The following PRKCA variants were observed in gnomAD, a reference collection of about 807,000 sequenced individuals.
PRKCA encodes protein kinase C alpha type.
PRKCA carries 27 observed loss-of-function variants against 87.0 expected under a neutral mutation model. The observed-to-expected ratio is 0.31, with a 90% CI of 0.23 to 0.43. The LOEUF (loss-of-function observed/expected upper bound fraction) is 0.43. Among genes scored for constraint, PRKCA ranks in the 20% least tolerant of loss-of-function variants. The probability of loss-of-function intolerance (pLI) is 1.00; values close to 1 mark genes in which losing one functional copy is unlikely to be tolerated. For missense variants in PRKCA, 518 were observed against 852.3 expected (o/e 0.61, Z 4.88); for synonymous variants, 329 against 311.1 (o/e 1.06, Z -0.61).
intron 3 of PRKCA, among the ~76,000 whole-genome samples, chr17:66,613,779 C>CTTTTTTTTTTTT (rs57610655): frequency 2.9e-5 from 2 of 69,386 alleles, no homozygotes; most frequent in African/African-American, 6.1e-5. Flanking sequence ...TGACTTCATC[C>CTTTTTTTTTTTT]TTTTTTTTTT....
In PRKCA at chr17:66,409,957, CAGTT is replaced by C. The variant is rs371103009; in HGVS notation, c.206-86240_206-86237del. ...TAAATAAAAGAGAAGAAATCAGACT[CAGTT>C]AGTAGATCGTGCTGGTCTGTCATCA... On this transcript the variant is annotated intron_variant, in intron 2 of 16. Transcript: ENST00000413366. Among the ~76,000 whole-genome samples the C allele has an allele frequency of 3.9e-4, 59 of 152,284 alleles. 5 individuals are homozygous for C. The East Asian group carries it at 6.7e-3, about 17-fold the overall frequency.
intron 3 of PRKCA, among the ~76,000 whole-genome samples, chr17:66,534,221 T>A (rs187262493): frequency 6.6e-6 from 1 of 152,310 alleles, no homozygotes; most frequent in East Asian, 1.9e-4. Flanking sequence ...CAGTTATTAT[T>A]GTTCTAACTA....
intron 2 of PRKCA, among the ~76,000 whole-genome samples, chr17:66,401,440 T>C (rs1321856680): frequency 1.3e-5 from 2 of 152,070 alleles, no homozygotes; most frequent in Non-Finnish European, 1.5e-5. Flanking sequence ...TTCAGGGAGA[T>C]GATAGGCAGA....
intron 3 of PRKCA, among the ~76,000 whole-genome samples, chr17:66,628,146 A>G (rs1970910142): frequency 6.6e-6 from 1 of 151,658 alleles, no homozygotes; most frequent in African/African-American, 2.4e-5. Context: ...AACCACAAGC[A>G]GCTTGATCAA....
At chr17:66,759,015 TATC>T (rs1974619056) in intron 13 of PRKCA, among the ~76,000 whole-genome samples, 1 of 152,164 alleles carries the variant, frequency 6.6e-6, no homozygotes, top group Non-Finnish European at 1.5e-5. Context: ...ATTATTTTGT[TATC>T]ATAGCTACTT....
intron 16 of PRKCA, among the ~76,000 whole-genome samples, chr17:66,798,435 CGGTGGTGGT>C (rs1568040859): frequency 7.3e-4 from 10 of 13,684 alleles, no homozygotes; most frequent in African/African-American, 2.0e-3. Flanking sequence ...GTGGTGGTGA[CGGTGGTGGT>C]GGTGGTGACG....
chr17:66,748,332 T>C (rs1289934276), intron 13 of PRKCA, among the ~76,000 whole-genome samples: 1 of 152,240 alleles, frequency 6.6e-6, no homozygotes, highest in Admixed American at 6.5e-5. Flanking sequence ...CCCTAACATA[T>C]GTTTTTTAAC....
intron 2 of PRKCA, among the ~76,000 whole-genome samples, chr17:66,473,382 C>T (rs1407269062): frequency 6.6e-6 from 1 of 152,194 alleles, no homozygotes; most frequent in African/African-American, 2.4e-5. Flanking sequence ...CCATCTCTTC[C>T]TTTCAGCTGG....
intron 2 of PRKCA, among the ~76,000 whole-genome samples, chr17:66,387,110 T>C (rs1333072252): frequency 6.6e-6 from 1 of 152,246 alleles, no homozygotes; most frequent in African/African-American, 2.4e-5. Context: ...ATGAACAGTG[T>C]TGGGAGCCAT....
chr17:66,489,569 G>A (rs1483607859), intron 2 of PRKCA, among the ~76,000 whole-genome samples: 6 of 151,632 alleles, frequency 4.0e-5, no homozygotes, highest in Admixed American at 6.6e-5. Flanking sequence ...CAAGCGAGCA[G>A]GGAGGGTGCA....
At chr17:66,650,841 A>G (rs1016615851) in intron 5 of PRKCA, among the ~76,000 whole-genome samples, 27 of 152,230 alleles carry the variant, frequency 1.8e-4, no homozygotes, top group African/African-American at 6.5e-4. Flanking sequence ...AATGAGCCTC[A>G]GCTTTGTATG....
chr17:66,783,682 C>T (rs962508896), intron 14 of PRKCA, among the ~76,000 whole-genome samples: 10 of 152,202 alleles, frequency 6.6e-5, no homozygotes, highest in African/African-American at 1.7e-4. Context: ...TTGACCTAAT[C>T]GTCTTCAAAT....
chr17:66,717,534 A>T, intron 8 of PRKCA, among the ~76,000 whole-genome samples: 1 of 152,188 alleles, frequency 6.6e-6, no homozygotes, highest in East Asian at 1.9e-4. Context: ...TGATGAGACT[A>T]TCCCCAAGTT....
intron 5 of PRKCA, among the ~76,000 whole-genome samples, chr17:66,651,414 C>T (rs1971588680): frequency 6.6e-6 from 1 of 152,160 alleles, no homozygotes; most frequent in Non-Finnish European, 1.5e-5. Context: ...CTGAACTCTA[C>T]ACATCACCCT....
At chr17:66,303,297 C>T (rs1904619254) in intron 1 of PRKCA, among the ~76,000 whole-genome samples, 1 of 152,156 alleles carries the variant, frequency 6.6e-6, no homozygotes, top group African/African-American at 2.4e-5. Flanking sequence ...CGGGCCGGGC[C>T]CCTCACCTCC....
chr17:66,701,112 A>G (rs1335484627), intron 8 of PRKCA, among the ~76,000 whole-genome samples: 1 of 152,180 alleles, frequency 6.6e-6, no homozygotes, highest in Non-Finnish European at 1.5e-5. Context: ...AAACCAGTAG[A>G]ACAGAATAGA....
chr17:66,733,148 C>CAAA (rs34064109), intron 9 of PRKCA, among the ~76,000 whole-genome samples: 3 of 99,390 alleles, frequency 3.0e-5, no homozygotes, highest in African/African-American at 4.0e-5. Context: ...GACTCCGTCT[C>CAAA]AAAAAAAAAA....
At chr17:66,783,145 G>A (rs1197329111) in intron 14 of PRKCA, among the ~76,000 whole-genome samples, 2 of 152,164 alleles carry the variant, frequency 1.3e-5, no homozygotes, top group African/African-American at 2.4e-5. Flanking sequence ...ATCAAGGCTG[G>A]AATGCACAGG....
chr17:66,385,630 G>A (rs1201042295), intron 2 of PRKCA, among the ~76,000 whole-genome samples: 3 of 152,160 alleles, frequency 2.0e-5, no homozygotes, highest in South Asian at 2.1e-4. Context: ...GAGAGGCCGT[G>A]GCCAGAGGAT....
Sources: allele counts gnomAD v4.1 joint callset (sites outside exome capture counted in the v4.1 genomes callset), GRCh38; gene constraint gnomAD v4.1.1; transcripts MANE v1.5; gene names NCBI Gene and HGNC (gene_info 2026-07-23, HGNC 2026-07-21).